The following TRPM3 variants were observed in gnomAD, a reference collection of about 807,000 sequenced individuals.
TRPM3 encodes the protein long transient receptor potential channel 3.
Under a neutral mutation model 181.2 loss-of-function variants are expected in TRPM3, and 77 were observed. The ratio of observed to expected loss-of-function variants is 0.42; its 90% CI spans 0.35 to 0.51. TRPM3 has a LOEUF of 0.51. TRPM3 is among the 20% of genes least tolerant of loss of function. The pLI is 0.01. For missense variants in TRPM3, 1,759 were observed against 2,196.7 expected (o/e 0.80, Z 3.98); for synonymous variants, 745 against 796.4 (o/e 0.94, Z 1.09).
intron 1 of TRPM3, among the ~76,000 whole-genome samples, chr9:71,219,007 G>C (rs745839087): frequency 1.1e-3 from 174 of 152,172 alleles, no homozygotes; most frequent in Non-Finnish European, 1.0e-3. Context: ...ACCAGGCAAG[G>C]AAACTTACAC....
chr9:71,195,750 A>G (rs1468096052), intron 1 of TRPM3, among the ~76,000 whole-genome samples: 3 of 152,300 alleles, frequency 2.0e-5, no homozygotes, highest in Non-Finnish European at 4.4e-5. Flanking sequence ...AATGTGATAC[A>G]TACACACCAT....
intron 16 of TRPM3, among the ~76,000 whole-genome samples, chr9:70,619,551 C>CTACA (rs1168453673): frequency 6.6e-6 from 1 of 151,118 alleles, no homozygotes; most frequent in Non-Finnish European, 1.5e-5. Flanking sequence ...GCAGCTAGGA[C>CTACA]TACAGGCGTG....
At chr9:71,376,835 G>C (rs7469609) in intron 1 of TRPM3, among the ~76,000 whole-genome samples, 65,002 of 151,804 alleles carry the variant, frequency 0.43, 14,081 homozygotes, top group South Asian at 0.53. Flanking sequence ...AATATATTTA[G>C]ATCTCCACTC....
At chr9:71,046,704 AT>A (rs1385885545) in intron 1 of TRPM3, among the ~76,000 whole-genome samples, 2 of 152,202 alleles carry the variant, frequency 1.3e-5, no homozygotes, top group Non-Finnish European at 2.9e-5. Flanking sequence ...GAAAAAAGAA[AT>A]TAATTATACA....
At chr9:70,793,569 A>T (rs1450311867) in intron 6 of TRPM3, 1 of 469,424 alleles carries the variant, frequency 2.1e-6, no homozygotes, top group East Asian at 7.0e-5. Flanking sequence ...ATACCCCTTT[A>T]TGTACTTTGC....
chr9:71,026,245 G>A (rs554728807), intron 1 of TRPM3, among the ~76,000 whole-genome samples: 4 of 152,126 alleles, frequency 2.6e-5, no homozygotes, highest in Non-Finnish European at 4.4e-5. Flanking sequence ...GCAGTCTTGC[G>A]CATCAGATGG....
At chr9:70,948,304 T>C (rs1322204365) in intron 1 of TRPM3, among the ~76,000 whole-genome samples, 1 of 150,438 alleles carries the variant, frequency 6.6e-6, no homozygotes, top group Non-Finnish European at 1.5e-5. Context: ...TTTTTTAGCC[T>C]GGAAAAGTTG....
intron 1 of TRPM3, among the ~76,000 whole-genome samples, chr9:71,136,491 G>A (rs991464627): frequency 6.6e-6 from 1 of 152,146 alleles, no homozygotes; most frequent in Non-Finnish European, 1.5e-5. Flanking sequence ...CTACTTCTTA[G>A]GGATTTTTAC....
chr9:70,784,924 C>G (rs1360910967), intron 6 of TRPM3, among the ~76,000 whole-genome samples: 1 of 152,162 alleles, frequency 6.6e-6, no homozygotes, highest in African/African-American at 2.4e-5. Context: ...TGCAGTGGCA[C>G]AATCTCAGCA....
intron 1 of TRPM3, among the ~76,000 whole-genome samples, chr9:71,198,426 C>G (rs966562498): frequency 5.9e-5 from 9 of 152,052 alleles, no homozygotes; most frequent in South Asian, 2.1e-4. Flanking sequence ...TTGGTAGCTT[C>G]ATGGGGATGG....
At chr9:71,223,906 C>G (rs1218446072) in intron 1 of TRPM3, among the ~76,000 whole-genome samples, 1 of 152,240 alleles carries the variant, frequency 6.6e-6, no homozygotes, top group Non-Finnish European at 1.5e-5. Flanking sequence ...AGGTTTCTGA[C>G]TCTAGGCCCA....
chr9:70,938,033 C>A (rs1224105419), intron 1 of TRPM3, among the ~76,000 whole-genome samples: 2 of 152,166 alleles, frequency 1.3e-5, no homozygotes, highest in Admixed American at 1.3e-4. Flanking sequence ...AAGCAAGCAG[C>A]AGTTTGCTAA....
chr9:70,752,594 T>C (rs984207371), intron 8 of TRPM3, among the ~76,000 whole-genome samples: 25 of 152,352 alleles, frequency 1.6e-4, no homozygotes, highest in African/African-American at 5.3e-4. Context: ...GTCAATGATG[T>C]ATTGTGTATG....
At chr9:71,310,135 C>T (rs1291538087) in intron 1 of TRPM3, among the ~76,000 whole-genome samples, 3 of 151,916 alleles carry the variant, frequency 2.0e-5, no homozygotes, top group Non-Finnish European at 4.4e-5. Flanking sequence ...AAGTCAAAAG[C>T]ACAGGATAAG....
At chr9:71,392,569 C>T (rs2093087931) in intron 1 of TRPM3, among the ~76,000 whole-genome samples, 2 of 152,104 alleles carry the variant, frequency 1.3e-5, no homozygotes, top group Non-Finnish European at 2.9e-5. Flanking sequence ...CTTGTGTCTA[C>T]ATCCTACTTT....
intron 9 of TRPM3, among the ~76,000 whole-genome samples, 196 bp from the exon 10 acceptor site, chr9:70,640,856 T>G (rs950961965): frequency 4.6e-5 from 7 of 152,202 alleles, no homozygotes; most frequent in Non-Finnish European, 1.0e-4. Context: ...CTCCTGTATA[T>G]TGTAGATTAT....
chr9:70,751,999 A>AGTGTGTATGTGTGT (rs57794545), intron 8 of TRPM3, among the ~76,000 whole-genome samples: 1,043 of 104,240 alleles, frequency 0.01, 6 homozygotes, highest in Non-Finnish European at 0.014. Flanking sequence ...ACATCTCAAC[A>AGTGTGTATGTGTGT]GTGTGTGTGT....
intron 25 of TRPM3, among the ~76,000 whole-genome samples, chr9:70,547,039 C>CGT (rs1233770120): frequency 6.6e-6 from 1 of 152,072 alleles, no homozygotes; most frequent in Non-Finnish European, 1.5e-5. Context: ...GCAAATACAA[C>CGT]GTGTATAAAT....
intron 1 of TRPM3, among the ~76,000 whole-genome samples, chr9:71,022,963 A>G (rs77164913): frequency 0.062 from 9,394 of 152,186 alleles, 418 homozygotes; most frequent in Admixed American, 0.14. Flanking sequence ...CCTTGAAACC[A>G]AAAGCAGAAC....
Sources: allele counts gnomAD v4.1 joint callset (sites outside exome capture counted in the v4.1 genomes callset), GRCh38; gene constraint gnomAD v4.1.1; transcripts MANE v1.5; gene names NCBI Gene and HGNC (gene_info 2026-07-23, HGNC 2026-07-21).